The following NKAIN2 variants were observed in gnomAD, a reference collection of about 807,000 sequenced individuals.
NKAIN2 encodes the protein sodium/potassium-transporting ATPase subunit beta-1-interacting protein 2.
A neutral mutation model predicts 32.6 loss-of-function variants in NKAIN2; 14 were observed. The observed-to-expected ratio is 0.43, with a 90% CI of 0.28 to 0.67. NKAIN2 has a LOEUF of 0.67. NKAIN2 is among the 30% of genes least tolerant of loss of function. The probability of loss-of-function intolerance (pLI) is 0.17; values close to 1 mark genes in which losing one functional copy is unlikely to be tolerated. For missense variants in NKAIN2, 198 were observed against 258.3 expected (o/e 0.77, Z 1.60); for synonymous variants, 80 against 87.2 (o/e 0.92, Z 0.46).
chr6:124,357,247 C>T (rs1243589874), intron 3 of NKAIN2, among the ~76,000 whole-genome samples: 1 of 151,808 alleles, frequency 6.6e-6, no homozygotes, highest in East Asian at 1.9e-4. Context: ...TAAAAAAAAA[C>T]CATAAAGGGC....
chr6:124,272,167 A>G (rs1048981219), intron 1 of NKAIN2, among the ~76,000 whole-genome samples: 8 of 152,262 alleles, frequency 5.3e-5, no homozygotes. Context: ...CCAAGTGTTA[A>G]TCGCTAAGAC....
chr6:124,129,876 C>T (rs902931601), intron 1 of NKAIN2, among the ~76,000 whole-genome samples: 1 of 152,142 alleles, frequency 6.6e-6, no homozygotes, highest in East Asian at 1.9e-4. Flanking sequence ...GCCTCGCCTC[C>T]CAAAGTGCTG....
Position 124,824,223 on chromosome 6 carries a change from C to G in NKAIN2, c.*994C>G, listed in dbSNP as rs551069582. ...CAATTGTCTTTTACTAACACAGAAA[C>G]AGCTGTGGATTTCTATCAACAGAGG... On this transcript the variant is annotated 3_prime_UTR_variant, in exon 7 of 7. Coordinates refer to ENST00000368417, the MANE Select transcript of NKAIN2 (RefSeq NM_001040214.3). 1 of 152,588 alleles carries G rather than the reference C, an allele frequency of 6.6e-6. No homozygotes were observed. The highest frequency in any genetic ancestry group is 2.4e-5 in the African/African-American group (1 of 41,442). The allele number at this position is 152,588 out of a possible 1,614,324, so 9.5% of individuals were successfully genotyped here. A position where few individuals can be genotyped will look rare whatever the true frequency, so the allele number is the denominator to read the frequency against.
intron 1 of NKAIN2, among the ~76,000 whole-genome samples, chr6:124,104,276 G>A (rs1785019567): frequency 6.6e-6 from 1 of 152,024 alleles, no homozygotes; most frequent in Non-Finnish European, 1.5e-5. Flanking sequence ...GAAAAACTTT[G>A]AATTAAGCTT....
rs527769908 is a variant in NKAIN2, at chr6:124,195,969, A to G, written c.55-87036A>G. Reference sequence around the variant, plus strand: ...TAGCCCAATTTTCTCTAATACATACATTTAAAAAAATTTGTACTAAATATT... The same window carrying G: ...TAGCCCAATTTTCTCTAATACATACGTTTAAAAAAATTTGTACTAAATATT... On this transcript the variant is annotated intron_variant, in intron 1 of 6. Transcript: ENST00000368417. Among the ~76,000 whole-genome samples the G allele has an allele frequency of 2.0e-4, 31 of 152,144 alleles. 1 individual carries two copies. In the South Asian group the frequency reaches 6.4e-3, roughly 32 times the overall value.
intron 4 of NKAIN2, among the ~76,000 whole-genome samples, chr6:124,669,994 A>G (rs1583616675): frequency 6.6e-6 from 1 of 152,088 alleles, no homozygotes; most frequent in African/African-American, 2.4e-5. Flanking sequence ...TCATGCTGTC[A>G]TCTTCACTCT....
chr6:124,537,312 C>T (rs919867786), intron 3 of NKAIN2, among the ~76,000 whole-genome samples: 1 of 152,196 alleles, frequency 6.6e-6, no homozygotes, highest in Non-Finnish European at 1.5e-5. Context: ...CTGAACTTAG[C>T]TTGTTCTACA....
chr6:124,271,506 A>G (rs1794786700), intron 1 of NKAIN2, among the ~76,000 whole-genome samples: 2 of 152,158 alleles, frequency 1.3e-5, no homozygotes, highest in Non-Finnish European at 2.9e-5. Context: ...GTGAGCCACC[A>G]TACCCGGCCT....
chr6:124,520,741 C>T (rs1779089116), intron 3 of NKAIN2, among the ~76,000 whole-genome samples: 1 of 152,004 alleles, frequency 6.6e-6, no homozygotes, highest in South Asian at 2.1e-4. Flanking sequence ...AATGGAAATC[C>T]CTATGTGCTA....
intron 2 of NKAIN2, among the ~76,000 whole-genome samples, chr6:124,349,372 C>T (rs1256953121): frequency 6.6e-6 from 1 of 152,110 alleles, no homozygotes; most frequent in African/African-American, 2.4e-5. Flanking sequence ...TCTCCAGGGA[C>T]CCCTTTTTAC....
intron 1 of NKAIN2, among the ~76,000 whole-genome samples, chr6:123,922,656 G>A (rs368048224): frequency 6.6e-6 from 1 of 152,072 alleles, no homozygotes; most frequent in Non-Finnish European, 1.5e-5. Context: ...GCTGAGGGTC[G>A]ATGGGACTCA....
At chr6:124,544,866 C>T (rs536708979) in intron 3 of NKAIN2, among the ~76,000 whole-genome samples, 1 of 151,962 alleles carries the variant, frequency 6.6e-6, no homozygotes, top group Non-Finnish European at 1.5e-5. Context: ...TAGAACTTCC[C>T]CGGAAAATTT....
At position 124,431,148 on chromosome 6, in the gene NKAIN2, C is replaced by G. The variant is rs1262527483; in HGVS notation, c.273+75801C>G. Among the ~76,000 whole-genome samples, 3 of 152,326 alleles carry G rather than the reference C, an allele frequency of 2.0e-5. No individual in the cohort carries two copies. In the East Asian group the frequency reaches 5.8e-4, roughly 29 times the overall value. ...TGGGATTGCGATGCCCATTCTGACACTCTGTAACAGGCAAAGGTTGCTTGG... is the reference window on the plus strand; with the variant it reads ...TGGGATTGCGATGCCCATTCTGACAGTCTGTAACAGGCAAAGGTTGCTTGG... On this transcript the variant is annotated intron_variant, in intron 3 of 6. Transcript: ENST00000368417.
At chr6:124,819,217 G>C in intron 6 of NKAIN2, 1 of 471,722 alleles carries the variant, frequency 2.1e-6, no homozygotes, top group Non-Finnish European at 2.8e-6. Flanking sequence ...TCTCTTTGAA[G>C]ATATGTGTTT....
At chr6:124,185,047 T>A (rs1789644323) in intron 1 of NKAIN2, among the ~76,000 whole-genome samples, 1 of 152,184 alleles carries the variant, frequency 6.6e-6, no homozygotes, top group South Asian at 2.1e-4. Flanking sequence ...TTTACTCTAT[T>A]TTTATGTTCA....
intron 1 of NKAIN2, among the ~76,000 whole-genome samples, chr6:123,950,007 G>T (rs1777250459): frequency 2.6e-5 from 4 of 151,974 alleles, no homozygotes; most frequent in African/African-American, 4.8e-5. Context: ...ATCATGAAGG[G>T]ATATTGAATT....
At chr6:123,976,328 CCCATA>C (rs1778589321) in intron 1 of NKAIN2, among the ~76,000 whole-genome samples, 1 of 28,620 alleles carries the variant, frequency 3.5e-5, no homozygotes, top group Non-Finnish European at 6.9e-5. Context: ...TATATATGTT[CCCATA>C]TATATATATG....
At chr6:124,326,595 T>C (rs1797424773) in intron 2 of NKAIN2, among the ~76,000 whole-genome samples, 1 of 152,186 alleles carries the variant, frequency 6.6e-6, no homozygotes, top group South Asian at 2.1e-4. Context: ...GCATTTCCTC[T>C]ACTATTTACT....
At chr6:124,428,284 CA>C (rs1775067786) in intron 3 of NKAIN2, among the ~76,000 whole-genome samples, 1 of 151,814 alleles carries the variant, frequency 6.6e-6, no homozygotes, top group Admixed American at 6.6e-5. Context: ...TAGAAAATAC[CA>C]CCGAAGAGCT....
Sources: allele counts gnomAD v4.1 joint callset (sites outside exome capture counted in the v4.1 genomes callset), GRCh38; gene constraint gnomAD v4.1.1; transcripts MANE v1.5; gene names NCBI Gene and HGNC (gene_info 2026-07-23, HGNC 2026-07-21).